The following CHM variants were observed in gnomAD, a reference collection of about 807,000 sequenced individuals.
CHM encodes rab proteins geranylgeranyltransferase component A 1.
Under a neutral mutation model 49.0 loss-of-function variants are expected in CHM, and 10 were observed. The ratio of observed to expected loss-of-function variants is 0.20; its 90% CI spans 0.13 to 0.35. CHM has a LOEUF of 0.35. CHM is among the 10% of genes least tolerant of loss of function. The pLI is 1.00. For missense variants in CHM, 455 were observed against 478.4 expected, an observed-to-expected ratio of 0.95 and a Z score of 0.46; for synonymous variants, 184 against 167.5, an observed-to-expected ratio of 1.10 and a Z score of -0.76.
At chrX:86,032,276 T>G (rs1010502416) in intron 1 of CHM, among the ~76,000 whole-genome samples, 1 of 112,309 alleles carries the variant, frequency 8.9e-6, no homozygotes, top group Non-Finnish European at 1.9e-5. Context: ...AAACACTCTG[T>G]AAAATGTGTG....
chrX:85,872,961 C>T, intron 14 of CHM, 91 bp downstream of exon 14: 1 of 911,196 alleles, frequency 1.1e-6, no homozygotes, highest in East Asian at 3.2e-5. Context: ...CTGAGAGATG[C>T]TTTTCTAGAC....
At chrX:85,899,677 C>G (rs1459855411) in intron 11 of CHM, among the ~76,000 whole-genome samples, 1 of 46,454 alleles carries the variant, frequency 2.2e-5, no homozygotes, top group East Asian at 8.0e-4. Flanking sequence ...ATGCTCTAAA[C>G]CCACCCCCCG....
chrX:85,985,487 C>T (rs1343453117), intron 2 of CHM, among the ~76,000 whole-genome samples: 1 of 110,079 alleles, frequency 9.1e-6, no homozygotes, highest in Non-Finnish European at 1.9e-5. Context: ...TTCCAGCCTT[C>T]AGGCTTCGGA....
At chrX:85,883,768 A>G (rs1233963822) in intron 12 of CHM, among the ~76,000 whole-genome samples, 1 of 110,701 alleles carries the variant, frequency 9.0e-6, no homozygotes, top group African/African-American at 3.3e-5. Flanking sequence ...ATAAACCAGT[A>G]CCTACATGAA....
At chrX:85,904,086 A>G (rs1302864378) in intron 9 of CHM, among the ~76,000 whole-genome samples, 1 of 112,036 alleles carries the variant, frequency 8.9e-6, no homozygotes. Flanking sequence ...TATTATAAAG[A>G]TTCATATAAA....
chrX:85,900,849 G>A, intron 10 of CHM, 140 bp from the exon 11 acceptor site: 3 of 553,199 alleles, frequency 5.4e-6, no homozygotes, highest in Non-Finnish European at 9.3e-6. Context: ...GTCAAGTTCG[G>A]CTTTAATCTT....
intron 4 of CHM, chrX:85,970,537 A>C (rs1189589913): frequency 3.1e-6 from 2 of 639,801 alleles, no homozygotes; most frequent in East Asian, 1.6e-4. Flanking sequence ...TTAGAAAAAC[A>C]CAAGTTCAAA....
At chrX:85,882,917 A>T (rs1358898797) in intron 12 of CHM, among the ~76,000 whole-genome samples, 1 of 111,052 alleles carries the variant, frequency 9.0e-6, no homozygotes, top group Non-Finnish European at 1.9e-5. Flanking sequence ...CTACTTGGCC[A>T]AGTCAGTTTT....
Position 85,867,887 on chromosome X carries a change from A to C in CHM, c.1771-3066T>G, listed in dbSNP as rs763424861. 6.2e-5 allele frequency among the ~76,000 whole-genome samples: 7 copies of C among 112,281 alleles called. No individual in the cohort carries two copies. In the South Asian group the frequency reaches 2.6e-3, roughly 42 times the overall value. ...TGTTCTTGGACATGCCAATTACTAT[A>C]GACAATTTAAGTTTTTAAATACTTA... On this transcript the variant is annotated intron_variant, in intron 14 of 14. Coordinates refer to ENST00000357749, the MANE Select transcript of CHM (RefSeq NM_000390.4).
At chrX:86,046,816 AAC>A (rs2047761055) in intron 1 of CHM, among the ~76,000 whole-genome samples, 1 of 111,835 alleles carries the variant, frequency 8.9e-6, no homozygotes, top group Non-Finnish European at 1.9e-5. Flanking sequence ...CCTGAACTGG[AAC>A]TCAGGACCTT....
chrX:85,949,003 T>C (rs1416786078), intron 8 of CHM, among the ~76,000 whole-genome samples: 1 of 111,414 alleles, frequency 9.0e-6, no homozygotes, highest in African/African-American at 3.3e-5. Context: ...AGAAGTTTAA[T>C]ATATTTAACC....
chrX:85,933,188 C>CA (rs1421461541), intron 8 of CHM, among the ~76,000 whole-genome samples: 2 of 110,126 alleles, frequency 1.8e-5, no homozygotes, highest in Admixed American at 9.7e-5. Context: ...CATTGCACTC[C>CA]AGCATGGGAT....
At chrX:85,940,061 T>C (rs1265254431) in intron 8 of CHM, among the ~76,000 whole-genome samples, 1 of 111,777 alleles carries the variant, frequency 8.9e-6, no homozygotes, top group Non-Finnish European at 1.9e-5. Flanking sequence ...CTGGGAGGCC[T>C]CAGGAAACTT....
chrX:85,874,084 G>A (rs1924271880), intron 13 of CHM, among the ~76,000 whole-genome samples: 1 of 111,206 alleles, frequency 9.0e-6, no homozygotes, highest in Non-Finnish European at 1.9e-5. Flanking sequence ...ATAGGGCCTA[G>A]CACACGACAG....
At chrX:85,873,566 T>A (rs986374859) in intron 13 of CHM, among the ~76,000 whole-genome samples, 1 of 111,503 alleles carries the variant, frequency 9.0e-6, no homozygotes, top group African/African-American at 3.3e-5. Flanking sequence ...TTCAATAGTA[T>A]ATACACATGA....
intron 9 of CHM, chrX:85,903,588 C>T (rs758088666): frequency 2.3e-5 from 9 of 384,093 alleles, no homozygotes; most frequent in African/African-American, 2.3e-4. Flanking sequence ...CCTATTTATG[C>T]TGATGCTTCT....
At chrX:85,984,150 C>T (rs1019217084) in intron 2 of CHM, among the ~76,000 whole-genome samples, 1 of 109,591 alleles carries the variant, frequency 9.1e-6, no homozygotes, top group Non-Finnish European at 1.9e-5. Flanking sequence ...TGCAGTGAAC[C>T]GAGATCGTGC....
chrX:85,963,605 A>T (rs1006878921), intron 5 of CHM, 60 bp downstream of exon 5: 50 of 1,007,017 alleles, frequency 5.0e-5, no homozygotes, highest in Non-Finnish European at 6.8e-5. Context: ...AATTACAAAA[A>T]CTGGGTTTAT....
At chrX:85,977,501 A>G (rs1167759820) in intron 4 of CHM, among the ~76,000 whole-genome samples, 4 of 112,461 alleles carry the variant, frequency 3.6e-5, no homozygotes, top group African/African-American at 9.7e-5. Flanking sequence ...AACCTCAATT[A>G]TCATAAAAAG....
Sources: gnomAD v4.1 joint callset for allele counts (sites outside exome capture counted in the v4.1 genomes callset) on GRCh38, gnomAD v4.1.1 for gene constraint, MANE v1.5 for transcripts, NCBI Gene and HGNC (gene_info 2026-07-23, HGNC 2026-07-21) for gene names.